Variants in TMCC1 observed in about 807,000 individuals in gnomAD.
The protein encoded by TMCC1 is transmembrane and coiled-coil domain family 1.
TMCC1 carries 15 observed loss-of-function variants against 52.4 expected under a neutral mutation model. The observed-to-expected ratio is 0.29, with a 90% CI of 0.19 to 0.44. The LOEUF (loss-of-function observed/expected upper bound fraction) is 0.44, where lower values mean the gene tolerates loss of function less well. TMCC1 is among the 20% of genes least tolerant of loss of function. The pLI is 1.00. For missense variants in TMCC1, 503 were observed against 806.0 expected (o/e 0.62, Z 4.55); for synonymous variants, 279 against 301.9 (o/e 0.92, Z 0.79).
intron 4 of TMCC1, among the ~76,000 whole-genome samples, chr3:129,780,366 C>T (rs777421284): frequency 3.9e-5 from 6 of 152,002 alleles, no homozygotes; most frequent in Non-Finnish European, 8.8e-5. Context: ...AGTTGTATAA[C>T]CAAATTCATC....
intron 4 of TMCC1, among the ~76,000 whole-genome samples, chr3:129,718,282 A>G (rs1030405379): frequency 6.6e-6 from 1 of 152,250 alleles, no homozygotes; most frequent in Non-Finnish European, 1.5e-5. Flanking sequence ...ACTGCATAAA[A>G]TTAACTGTAG....
chr3:129,760,900 C>A (rs959152693), intron 4 of TMCC1, among the ~76,000 whole-genome samples: 7 of 152,200 alleles, frequency 4.6e-5, no homozygotes, highest in African/African-American at 1.7e-4. Flanking sequence ...GTGTGAGCCA[C>A]TGCACCCAGC....
At chr3:129,877,711 C>A (rs1399110522) in intron 2 of TMCC1, among the ~76,000 whole-genome samples, 1 of 151,156 alleles carries the variant, frequency 6.6e-6, no homozygotes, top group African/African-American at 2.4e-5. Flanking sequence ...TCATTGCAAC[C>A]TCCACCTCCC....
At chr3:129,847,134 G>C (rs1171648914) in intron 2 of TMCC1, 1 of 151,982 alleles carries the variant, frequency 6.6e-6, no homozygotes, top group African/African-American at 2.4e-5. Flanking sequence ...ACAAAAGTAG[G>C]TAACTAAAAA....
At position 129,651,871 on chromosome 3, in the gene TMCC1, G is replaced by A; in HGVS notation, c.1648-76C>T. ...AGATGCTGACATGCCCCCTGGGCAA[G>A]CCAGATGCATCTTGAGCAATGCCAA... On this transcript the variant is annotated intron_variant, in intron 6 of 6. Transcript: ENST00000393238. The surrounding 1 kb of genome is among the most constrained non-coding windows in gnomAD (Gnocchi z 5.1). 1 of 1,470,284 alleles carries A rather than the reference G, an allele frequency of 6.8e-7. No homozygotes were observed. Among genetic ancestry groups the A allele is most frequent in the Non-Finnish European group, 9.1e-7 (1 of 1,096,596 alleles). 91.1% of individuals were successfully genotyped at this position (1,470,284 alleles called of 1,614,324 possible).
intron 2 of TMCC1, among the ~76,000 whole-genome samples, chr3:129,862,274 T>C (rs2060430792): frequency 6.6e-6 from 1 of 152,126 alleles, no homozygotes; most frequent in South Asian, 2.1e-4. Flanking sequence ...GATGAAAATG[T>C]TTTGGAATTA....
chr3:129,807,463 G>GAA (rs1199497837), intron 4 of TMCC1, among the ~76,000 whole-genome samples: 2 of 152,142 alleles, frequency 1.3e-5, no homozygotes, highest in African/African-American at 4.8e-5. Flanking sequence ...TTTCCAGATT[G>GAA]AAAGACTCCT....
At chr3:129,852,047 T>A (rs1286400525) in intron 2 of TMCC1, among the ~76,000 whole-genome samples, 1 of 151,542 alleles carries the variant, frequency 6.6e-6, no homozygotes, top group African/African-American at 2.4e-5. Flanking sequence ...CAGCTACTTG[T>A]GAGGCTGAGG....
At chr3:129,678,069 A>G (rs1021341110) in intron 4 of TMCC1, among the ~76,000 whole-genome samples, 1 of 151,722 alleles carries the variant, frequency 6.6e-6, no homozygotes. Flanking sequence ...ATGGGATTAT[A>G]GGTGTATGCC....
At chr3:129,761,162 A>G (rs1002931435) in intron 4 of TMCC1, among the ~76,000 whole-genome samples, 2 of 151,232 alleles carry the variant, frequency 1.3e-5, no homozygotes, top group Non-Finnish European at 3.0e-5. Flanking sequence ...CGTCTCTACT[A>G]AAAATACAAA....
At chr3:129,795,631 A>T (rs972160563) in intron 4 of TMCC1, among the ~76,000 whole-genome samples, 1 of 152,236 alleles carries the variant, frequency 6.6e-6, no homozygotes, top group Non-Finnish European at 1.5e-5. Context: ...TTGTATTACA[A>T]TAGTCCTCCC....
rs543647067 is a variant in TMCC1 at position 129,837,379 on chromosome 3, G to A, written c.-183-4553C>T. Among the ~76,000 whole-genome samples the A allele has an allele frequency of 1.4e-4, 21 of 152,208 alleles. No individual in the cohort carries two copies. The South Asian group carries it at 4.1e-3, about 30-fold the overall frequency. ...GCACAAAGGGAAAACCCAAAGCCAA[G>A]CAGGAAGACAAGAACAAGGTATTAC... On this transcript the variant is annotated intron_variant, in intron 2 of 6. Coordinates refer to ENST00000393238, the MANE Select transcript of TMCC1 (RefSeq NM_001017395.5).
At chr3:129,819,596 G>T (rs904873149) in intron 4 of TMCC1, among the ~76,000 whole-genome samples, 12 of 152,104 alleles carry the variant, frequency 7.9e-5, no homozygotes, top group African/African-American at 2.9e-4. Context: ...GAGTTGTGCT[G>T]ACCATAAGCA....
chr3:129,687,442 G>C (rs1576450396), intron 4 of TMCC1, among the ~76,000 whole-genome samples: 1 of 152,262 alleles, frequency 6.6e-6, no homozygotes, highest in South Asian at 2.1e-4. Flanking sequence ...TCTGCTAAAA[G>C]TAAAACATAC....
At chr3:129,848,641 A>C (rs773305712) in intron 2 of TMCC1, among the ~76,000 whole-genome samples, 1 of 152,316 alleles carries the variant, frequency 6.6e-6, no homozygotes, top group Non-Finnish European at 1.5e-5. Flanking sequence ...TTGAAAGTAC[A>C]CTGTGCAGTT....
At chr3:129,769,539 A>AT (rs56862714) in intron 4 of TMCC1, among the ~76,000 whole-genome samples, 16 of 132,404 alleles carry the variant, frequency 1.2e-4, no homozygotes, top group South Asian at 7.5e-4. Context: ...CCATTATGAG[A>AT]TTTTTTTTTT....
intron 2 of TMCC1, among the ~76,000 whole-genome samples, chr3:129,839,599 T>G (rs901917063): frequency 6.6e-6 from 1 of 151,836 alleles, no homozygotes; most frequent in Non-Finnish European, 1.5e-5. Context: ...TACAAAAAAA[T>G]AGAAAAATTA....
intron 4 of TMCC1, among the ~76,000 whole-genome samples, chr3:129,748,319 G>C (rs1417273882): frequency 1.3e-5 from 2 of 152,178 alleles, no homozygotes; most frequent in Non-Finnish European, 2.9e-5. Context: ...TTGAGAGGGA[G>C]TCTCGCTCTG....
chr3:129,776,298 T>C (rs761477194), intron 4 of TMCC1, among the ~76,000 whole-genome samples: 32 of 152,252 alleles, frequency 2.1e-4, no homozygotes, highest in Non-Finnish European at 4.0e-4. Flanking sequence ...GTAAATAGCA[T>C]AGAGTTGGTT....
Sources: allele counts gnomAD v4.1 joint callset (sites outside exome capture counted in the v4.1 genomes callset), GRCh38; gene constraint gnomAD v4.1.1; non-coding constraint Gnocchi (gnomAD v3.1); transcripts MANE v1.5; gene names NCBI Gene and HGNC (gene_info 2026-07-23, HGNC 2026-07-21).